Variants in PCDHGA3 observed in about 807,000 individuals in gnomAD.
The protein encoded by PCDHGA3 is protocadherin gamma-A3.
Under a neutral mutation model 58.5 loss-of-function variants are expected in PCDHGA3, and 40 were observed. The observed-to-expected ratio is 0.68, with a 90% CI of 0.53 to 0.89. The LOEUF (loss-of-function observed/expected upper bound fraction) is 0.89. Ranked by LOEUF, PCDHGA3 falls within the 40% of genes least tolerant of loss-of-function variation. The pLI is 0.00. For missense variants in PCDHGA3, 1,223 were observed against 1,195.9 expected, an observed-to-expected ratio of 1.02 and a Z score of -0.33; for synonymous variants, 530 against 525.7, an observed-to-expected ratio of 1.01 and a Z score of -0.11.
intron 2 of PCDHGA3, among the ~76,000 whole-genome samples, chr5:141,504,799 C>A (rs1474096570): frequency 6.6e-6 from 1 of 151,994 alleles, no homozygotes; most frequent in African/African-American, 2.4e-5. Context: ...CCTACATCTC[C>A]CCCTAGGTAC....
chr5:141,409,942 C>G, intron 1 of PCDHGA3: 2 of 1,613,284 alleles, frequency 1.2e-6, no homozygotes, highest in Non-Finnish European at 1.7e-6. Context: ...TGGTACCTCG[C>G]TCTGCAGAGC....
At chr5:141,351,190 A>G in intron 1 of PCDHGA3, 1 of 1,614,060 alleles carries the variant, frequency 6.2e-7, no homozygotes, top group Non-Finnish European at 8.5e-7. Flanking sequence ...AGACAAGTAG[A>G]TATGTGTTGA....
intron 1 of PCDHGA3, chr5:141,423,665 G>A: frequency 6.6e-7 from 1 of 1,512,226 alleles, no homozygotes; most frequent in Non-Finnish European, 8.9e-7. Flanking sequence ...AATCAGGTGA[G>A]ATTTATTTCT....
chr5:141,510,472 G>A (rs1209464436), intron 3 of PCDHGA3, among the ~76,000 whole-genome samples: 7 of 152,102 alleles, frequency 4.6e-5, no homozygotes, highest in Non-Finnish European at 1.0e-4. Context: ...GGAGTCAGAG[G>A]CTCCCTTGAG....
chr5:141,417,785 A>C (rs1273908599), intron 1 of PCDHGA3: 22 of 1,476,018 alleles, frequency 1.5e-5, no homozygotes, highest in Non-Finnish European at 1.7e-5. Context: ...TCCTGGGCCG[A>C]ATGCTCTTTT....
intron 1 of PCDHGA3, among the ~76,000 whole-genome samples, chr5:141,492,670 C>T (rs567661944): frequency 6.6e-6 from 1 of 152,344 alleles, no homozygotes; most frequent in South Asian, 2.1e-4. Context: ...CCCGGGACTC[C>T]GTCTCAAGGG....
At chr5:141,366,523 G>A (rs755773964) in intron 1 of PCDHGA3, 18 of 1,614,152 alleles carry the variant, frequency 1.1e-5, no homozygotes, top group Middle Eastern at 1.6e-4. Flanking sequence ...AAGGCAGCAG[G>A]TTGGCGGGTG....
In PCDHGA3 at chr5:141,386,663, G is replaced by T. The variant is rs532080624; in HGVS notation, c.2424+40206G>T. On this transcript the variant is annotated intron_variant, in intron 1 of 3. Transcript: ENST00000253812. ...GGATACATTTTACAAGTTCTGCAGT[G>T]TTCACATTTCAGATGTACAATCACT... Among the ~76,000 whole-genome samples, 44 of 152,044 alleles carry T rather than the reference G, an allele frequency of 2.9e-4. No homozygotes were observed. In the South Asian group the frequency reaches 5.4e-3, roughly 19 times the overall value.
chr5:141,391,198 C>T (rs2092314570), intron 1 of PCDHGA3: 1 of 152,156 alleles, frequency 6.6e-6, no homozygotes, highest in South Asian at 2.1e-4. Context: ...AAAATATATA[C>T]AAAATACCAA....
intron 1 of PCDHGA3, among the ~76,000 whole-genome samples, chr5:141,348,696 G>A (rs1430735033): frequency 6.6e-6 from 1 of 152,054 alleles, no homozygotes; most frequent in African/African-American, 2.4e-5. Context: ...TTTGAAGAAT[G>A]GGCAAGAATC....
At chr5:141,394,303 AG>A in intron 1 of PCDHGA3, 2 of 1,613,924 alleles carry the variant, frequency 1.2e-6, no homozygotes, top group East Asian at 2.2e-5. Context: ...GACACGCTGC[AG>A]GGGGCGCCCC....
Position 141,415,576 on chromosome 5 carries a change from T to C in PCDHGA3, c.2424+69119T>C, listed in dbSNP as rs182127695. 9.5e-5 allele frequency: 153 copies of C among 1,614,182 alleles called. No individual in the cohort carries two copies. The Admixed American group carries it at 1.6e-3, about 17-fold the overall frequency. Reference sequence around the variant, plus strand: ...CGATCCTTTGTCTTTGTTAGATGATTCGAAGTTTCCTATAGAGGATACCCC... The same window carrying C: ...CGATCCTTTGTCTTTGTTAGATGATCCGAAGTTTCCTATAGAGGATACCCC... On this transcript the variant is annotated intron_variant, in intron 1 of 3. Transcript: ENST00000253812.
At chr5:141,435,719 C>T (rs890713374) in intron 1 of PCDHGA3, among the ~76,000 whole-genome samples, 6 of 152,156 alleles carry the variant, frequency 3.9e-5, no homozygotes, top group Admixed American at 3.3e-4. Context: ...ACACTGAATG[C>T]TAAAGTGTAT....
At chr5:141,482,755 T>TGA (rs1554165462) in intron 1 of PCDHGA3, among the ~76,000 whole-genome samples, 1 of 143,580 alleles carries the variant, frequency 7.0e-6, no homozygotes, top group Admixed American at 6.9e-5. Context: ...GGGATTATGG[T>TGA]ATTTCATTAT....
intron 1 of PCDHGA3, chr5:141,424,778 T>G (rs1009835492): frequency 1.3e-5 from 2 of 152,166 alleles, no homozygotes; most frequent in African/African-American, 4.8e-5. Flanking sequence ...AATAGTACAT[T>G]CAGTTCTTTT....
chr5:141,391,895 A>C (rs1315243362), intron 1 of PCDHGA3: 1 of 152,202 alleles, frequency 6.6e-6, no homozygotes, highest in Non-Finnish European at 1.5e-5. Context: ...GATGGGATGG[A>C]GCTTTGCTTT....
intron 1 of PCDHGA3, chr5:141,407,897 A>T (rs1178644193): frequency 4.9e-6 from 2 of 405,126 alleles, no homozygotes; most frequent in African/African-American, 4.1e-5. Context: ...CCGAATTCAA[A>T]ATGAAAAACC....
At chr5:141,509,344 T>A (rs2099876374) in intron 3 of PCDHGA3, among the ~76,000 whole-genome samples, 1 of 152,202 alleles carries the variant, frequency 6.6e-6, no homozygotes, top group Admixed American at 6.5e-5. Flanking sequence ...GGGCCTGGGC[T>A]GGCCTGGGCA....
Position 141,346,232 on chromosome 5 carries a change from G to A in PCDHGA3, c.2199G>A (p.Ala733=), listed in dbSNP as rs369304431. 1.1e-5 allele frequency: 18 copies of A among 1,614,170 alleles called. No homozygotes were observed. Among genetic ancestry groups the A allele is most frequent in the Non-Finnish European group, 7.6e-6 (9 of 1,180,046 alleles). The change falls in exon 1 of 4, where the codon GCG becomes GCA. Residue 733 remains alanine (A), a synonymous_variant. Coordinates refer to ENST00000253812, the MANE Select transcript of PCDHGA3 (RefSeq NM_018916.4). ...TGCAGGCTTCGGGAGGCGGCTTGGC[G>A]AGTACGCCCGGCTCGCACTTTGTGG... ...RLLQASGGGL[A]STPGSHFVGA...
Sources: gnomAD v4.1 joint callset for allele counts (sites outside exome capture counted in the v4.1 genomes callset) on GRCh38, gnomAD v4.1.1 for gene constraint, MANE v1.5 for transcripts, NCBI Gene and HGNC (gene_info 2026-07-23, HGNC 2026-07-21) for gene names.